GRIK1: variants seen among roughly 807,000 people sequenced by gnomAD.
The protein encoded by GRIK1 is glutamate receptor ionotropic, kainate 1.
A neutral mutation model predicts 105.7 loss-of-function variants in GRIK1; 69 were observed. That is an observed-to-expected ratio of 0.65 (90% CI 0.54 to 0.80). GRIK1 has a LOEUF of 0.80. GRIK1 is among the 30% of genes least tolerant of loss of function. The pLI is 0.00. For missense variants in GRIK1, 1,109 were observed against 1,167.3 expected (o/e 0.95, Z 0.73); for synonymous variants, 438 against 431.3 (o/e 1.02, Z -0.19).
chr21:29,861,560 G>T, intron 1 of GRIK1: 2 of 220,024 alleles, frequency 9.1e-6, no homozygotes, highest in Non-Finnish European at 1.7e-5. Flanking sequence ...TGCCCTCTTC[G>T]GCCTCCCAAA....
chr21:29,599,980 G>A (rs1326750123), intron 7 of GRIK1, among the ~76,000 whole-genome samples: 1 of 152,102 alleles, frequency 6.6e-6, no homozygotes, highest in Admixed American at 6.5e-5. Flanking sequence ...CAGCTACTCG[G>A]GAGGCTGAGT....
At chr21:29,608,010 T>A (rs1363210666) in intron 7 of GRIK1, among the ~76,000 whole-genome samples, 1 of 152,194 alleles carries the variant, frequency 6.6e-6, no homozygotes, top group Non-Finnish European at 1.5e-5. Context: ...AACTGGTGGA[T>A]AATCTTGGGA....
Position 29,933,067 on chromosome 21 carries a change from C to G in GRIK1, c.118+6316G>C, listed in dbSNP as rs916781951. Among the ~76,000 whole-genome samples the G allele has an allele frequency of 2.6e-5, 4 of 151,546 alleles. No homozygotes were observed. The South Asian group carries it at 8.4e-4, about 32-fold the overall frequency. ...ATAAGTATTAAACATCTAAGTATAC[C>G]TTTTTTAAAGAAAAAATATTTATTA... is the stretch of plus-strand genomic sequence containing the variant. On this transcript the variant is annotated intron_variant, in intron 1 of 17. Transcript: ENST00000327783.
rs182294478 is a variant in GRIK1 at position 29,758,160 on chromosome 21, T to C, written c.119-64097A>G. On this transcript the variant is annotated intron_variant, in intron 1 of 17. Coordinates refer to ENST00000327783, the MANE Select transcript of GRIK1 (RefSeq NM_001330994.2). ...TAAATGCAAGGAAAACCGTGAAATATAGTCTCATTGCATGCCAAAGAGGAA... is the reference window on the plus strand; with the variant it reads ...TAAATGCAAGGAAAACCGTGAAATACAGTCTCATTGCATGCCAAAGAGGAA... Among the ~76,000 whole-genome samples the C allele has an allele frequency of 3.3e-5, 5 of 152,322 alleles. No individual in the cohort carries two copies. In the East Asian group the frequency reaches 7.7e-4, roughly 23 times the overall value.
At chr21:29,910,183 A>T (rs1185042241) in intron 1 of GRIK1, among the ~76,000 whole-genome samples, 1 of 152,148 alleles carries the variant, frequency 6.6e-6, no homozygotes, top group Non-Finnish European at 1.5e-5. Flanking sequence ...ACCCACAAAA[A>T]ATTTTTAAAA....
At chr21:29,578,183 C>G (rs1002043361) in intron 13 of GRIK1, among the ~76,000 whole-genome samples, 1 of 152,152 alleles carries the variant, frequency 6.6e-6, no homozygotes, top group Admixed American at 6.5e-5. Context: ...GCCATTGGTT[C>G]TGTACTTAGC....
chr21:29,719,750 C>T (rs1485490968), intron 1 of GRIK1, among the ~76,000 whole-genome samples: 1 of 152,108 alleles, frequency 6.6e-6, no homozygotes, highest in Non-Finnish European at 1.5e-5. Flanking sequence ...CTCACTGTTT[C>T]CCAAGGGGAT....
intron 1 of GRIK1, among the ~76,000 whole-genome samples, chr21:29,926,911 G>A (rs969715679): frequency 6.6e-6 from 1 of 152,116 alleles, no homozygotes; most frequent in African/African-American, 2.4e-5. Context: ...ATGTCCCACA[G>A]ATGTAGCAAA....
chr21:29,894,797 C>T (rs1480859967), intron 1 of GRIK1, among the ~76,000 whole-genome samples: 7 of 152,076 alleles, frequency 4.6e-5, no homozygotes, highest in Non-Finnish European at 1.0e-4. Flanking sequence ...TTGATGAGTG[C>T]CCCCTGGATC....
chr21:29,639,619 A>T (rs2062469678), intron 7 of GRIK1, among the ~76,000 whole-genome samples: 1 of 152,216 alleles, frequency 6.6e-6, no homozygotes, highest in African/African-American at 2.4e-5. Context: ...GAGCCTGTAT[A>T]TCCTGCTGAA....
chr21:29,846,471 A>G (rs1046931852), intron 1 of GRIK1, among the ~76,000 whole-genome samples: 46 of 49,342 alleles, frequency 9.3e-4, no homozygotes, highest in Admixed American at 2.1e-3. Context: ...GAGAGAAAGA[A>G]AGAAAGAAAG....
At chr21:29,796,780 C>T (rs886133732) in intron 1 of GRIK1, among the ~76,000 whole-genome samples, 1 of 152,062 alleles carries the variant, frequency 6.6e-6, no homozygotes, top group African/African-American at 2.4e-5. Flanking sequence ...GAAACCCCAT[C>T]TCTACTAAAA....
chr21:29,939,293 C>A, intron 1 of GRIK1, 90 bp downstream of exon 1: 3 of 763,014 alleles, frequency 3.9e-6, no homozygotes, highest in Admixed American at 4.5e-5. Context: ...TCCTGCGCCG[C>A]CGCGCGCTGC....
intron 14 of GRIK1, among the ~76,000 whole-genome samples, chr21:29,573,447 T>A (rs2090804894): frequency 6.6e-6 from 1 of 152,116 alleles, no homozygotes; most frequent in Admixed American, 6.5e-5. Flanking sequence ...AAGATCAAAG[T>A]GAGCTTAAGG....
chr21:29,652,762 TAAC>T (rs1325093833), intron 5 of GRIK1, among the ~76,000 whole-genome samples: 2 of 152,248 alleles, frequency 1.3e-5, no homozygotes, highest in Admixed American at 1.3e-4. Context: ...AAAAGTTTCT[TAAC>T]AATGCAACCG....
At chr21:29,617,276 C>T (rs575395482) in intron 7 of GRIK1, among the ~76,000 whole-genome samples, 6 of 152,132 alleles carry the variant, frequency 3.9e-5, no homozygotes, top group African/African-American at 7.2e-5. Flanking sequence ...AGTTCTTTTA[C>T]GGTGTTAAGC....
chr21:29,868,160 G>A (rs1479318506), intron 1 of GRIK1, among the ~76,000 whole-genome samples: 2 of 152,150 alleles, frequency 1.3e-5, no homozygotes, highest in Admixed American at 6.5e-5. Flanking sequence ...CAACAAAACT[G>A]GAAGAAAAGA....
At chr21:29,850,742 G>A (rs1418510774) in intron 1 of GRIK1, among the ~76,000 whole-genome samples, 1 of 152,066 alleles carries the variant, frequency 6.6e-6, no homozygotes, top group Admixed American at 6.5e-5. Flanking sequence ...TTCATTTTAT[G>A]TAAACTCATA....
intron 1 of GRIK1, among the ~76,000 whole-genome samples, chr21:29,728,206 C>T (rs1233038642): frequency 1.3e-5 from 2 of 152,184 alleles, no homozygotes; most frequent in African/African-American, 4.8e-5. Context: ...CACTGAGGTT[C>T]AAGCTGAAGT....
Sources: allele counts gnomAD v4.1 joint callset (sites outside exome capture counted in the v4.1 genomes callset), GRCh38; gene constraint gnomAD v4.1.1; transcripts MANE v1.5; gene names NCBI Gene and HGNC (gene_info 2026-07-23, HGNC 2026-07-21).